NOS1: variants seen among roughly 807,000 people sequenced by gnomAD.
NOS1 encodes nitric oxide synthase 1, also known as NOS type I.
In NOS1, 51 loss-of-function variants were observed where a neutral mutation model predicts 164.5. That is an observed-to-expected ratio of 0.31 (90% CI 0.25 to 0.39). NOS1 has a LOEUF of 0.39. NOS1 is among the 10% of genes least tolerant of loss of function. The pLI is 1.00. For synonymous variants in NOS1, 719 were observed against 745.8 expected, an observed-to-expected ratio of 0.96 and a Z score of 0.59; for missense variants, 1,362 against 1,885.6, an observed-to-expected ratio of 0.72 and a Z score of 5.14.
intron 2 of NOS1, among the ~76,000 whole-genome samples, chr12:117,329,949 G>A (rs1044030988): frequency 5.9e-5 from 9 of 152,076 alleles, no homozygotes; most frequent in African/African-American, 9.7e-5. Context: ...ACGCACACAC[G>A]CCTCCCACTT....
intron 5 of NOS1, among the ~76,000 whole-genome samples, chr12:117,287,320 A>C (rs865857): frequency 0.99 from 151,266 of 152,360 alleles, 75,093 homozygotes; most frequent in East Asian, 1. Context: ...ACATGAACTT[A>C]AATTCCATTA....
rs1186807095 is a variant in NOS1 at position 117,211,572 on chromosome 12, C to T, written c.*3737G>A. ...CTCACCTCTCCCCACGGTCTGGTCC[C>T]AGCCCACCTTTTCTCACCCTCCTCA... On this transcript the variant is annotated 3_prime_UTR_variant, in exon 29 of 29. Coordinates refer to ENST00000317775, the MANE Select transcript of NOS1 (RefSeq NM_000620.5). 6.1e-6 allele frequency: 6 copies of T among 985,488 alleles called. No individual in the cohort carries two copies. Among genetic ancestry groups the T allele is most frequent in the Non-Finnish European group, 7.2e-6 (6 of 830,054 alleles). 61.0% of individuals were successfully genotyped at this position (985,488 alleles called of 1,614,324 possible). A position where few individuals can be genotyped will look rare whatever the true frequency, so the allele number is the denominator to read the frequency against.
chr12:117,224,978 G>A (rs569489477), intron 25 of NOS1, 38 bp downstream of exon 25: 25 of 1,612,956 alleles, frequency 1.5e-5, no homozygotes, highest in African/African-American at 8.0e-5. Context: ...CCCCAGGTCC[G>A]GGGGTGGGAA....
intron 2 of NOS1, among the ~76,000 whole-genome samples, chr12:117,326,245 G>A (rs368013918): frequency 1.3e-5 from 2 of 152,088 alleles, no homozygotes; most frequent in African/African-American, 2.4e-5. Flanking sequence ...AATTAGCCAG[G>A]CGTGGTGGCA....
chr12:117,275,618 A>G (rs1873120606), intron 9 of NOS1, among the ~76,000 whole-genome samples: 1 of 152,200 alleles, frequency 6.6e-6, no homozygotes. Flanking sequence ...ACATTAATAT[A>G]CATTTTCAAA....
In NOS1 at chr12:117,272,070, T is replaced by A. The variant is rs189242100; in HGVS notation, c.1839+315A>T. Among the ~76,000 whole-genome samples the A allele has an allele frequency of 7.2e-5, 11 of 152,280 alleles. No individual in the cohort carries two copies. Among genetic ancestry groups the A allele is most frequent in the Admixed American group, 7.2e-4 (11 of 15,294 alleles). On this transcript the variant is annotated intron_variant, in intron 10 of 28. Transcript: ENST00000317775. The surrounding 1 kb of genome is among the most constrained non-coding windows in gnomAD (Gnocchi z 4.3). ...CCTGCTGCCGGCTAGCTGTGTGACC[T>A]TGAGCTTGTCATCTGTCGAAGGGGG...
intron 1 of NOS1, among the ~76,000 whole-genome samples, chr12:117,338,004 C>T (rs1179169023): frequency 3.3e-5 from 5 of 152,132 alleles, no homozygotes; most frequent in Non-Finnish European, 5.9e-5. Context: ...CACTTGAGGT[C>T]AGGAGTTCAA....
intron 2 of NOS1, among the ~76,000 whole-genome samples, chr12:117,326,602 C>G (rs761629520): frequency 1.3e-5 from 2 of 152,104 alleles, no homozygotes; most frequent in Non-Finnish European, 2.9e-5. Context: ...TGGCCGCTTT[C>G]GGGCAAACCA....
intron 1 of NOS1, among the ~76,000 whole-genome samples, chr12:117,346,131 A>T (rs971671509): frequency 3.3e-5 from 5 of 152,308 alleles, no homozygotes; most frequent in African/African-American, 9.6e-5. Flanking sequence ...GGCATGGCCC[A>T]TTACAAATGA....
intron 2 of NOS1, among the ~76,000 whole-genome samples, chr12:117,319,079 A>T (rs1874794120): frequency 6.6e-6 from 1 of 152,162 alleles, no homozygotes; most frequent in South Asian, 2.1e-4. Context: ...TATTATTATT[A>T]TTTTTAGAGA....
chr12:117,226,818 C>T (rs771712994), intron 23 of NOS1, 48 bp from the exon 24 acceptor site: 55 of 1,456,078 alleles, frequency 3.8e-5, no homozygotes, highest in African/African-American at 2.1e-4. Context: ...CTCCCGAGCA[C>T]GGCCTCCCCT....
chr12:117,237,089 C>G (rs921994230), intron 20 of NOS1, among the ~76,000 whole-genome samples: 6 of 152,218 alleles, frequency 3.9e-5, no homozygotes, highest in Non-Finnish European at 8.8e-5. Context: ...AGCACTGGCT[C>G]AGAAACCAAT....
chr12:117,249,109 T>G (rs1303622700), intron 17 of NOS1, among the ~76,000 whole-genome samples: 1 of 152,230 alleles, frequency 6.6e-6, no homozygotes, highest in Non-Finnish European at 1.5e-5. Flanking sequence ...CTTTGTCAGA[T>G]AAGTTGTCTG....
At chr12:117,291,509 C>T (rs1873055574) in intron 3 of NOS1, among the ~76,000 whole-genome samples, 1 of 143,396 alleles carries the variant, frequency 7.0e-6, no homozygotes, top group Non-Finnish European at 1.5e-5. Context: ...GTAGACCTCA[C>T]TGATAAGGAT....
At position 117,330,954 on chromosome 12, in the gene NOS1, G is replaced by A. The variant is rs1296555410; in HGVS notation, c.116C>T (p.Pro39Leu). Reference protein sequence around the residue: ...GFLVKERVSKPPVIISDLIRG... With the variant: ...GFLVKERVSKLPVIISDLIRG... ...AATCAGGTCAGAGATGATCACGGGC[G>A]GCTTACTGACCCGCTCCTTCACCAG... The change falls in exon 2 of 29, where the codon CCG becomes CTG. Residue 39 changes from proline (P) to leucine (L), a missense_variant. Physicochemically the swap from Pro to Leu is moderately conservative, Grantham distance 98 (BLOSUM62 -3). Coordinates refer to ENST00000317775, the MANE Select transcript of NOS1 (RefSeq NM_000620.5). This position sits in a 1 kb window ranked among gnomAD's most constrained non-coding sequence, Gnocchi z 4.6. 2.5e-6 allele frequency: 4 copies of A among 1,614,178 alleles called. No homozygotes were observed. The highest frequency in any genetic ancestry group is 1.3e-5 in the African/African-American group (1 of 75,048).
chr12:117,261,782 G>A (rs1871927280), intron 13 of NOS1, among the ~76,000 whole-genome samples: 1 of 152,170 alleles, frequency 6.6e-6, no homozygotes, highest in Non-Finnish European at 1.5e-5. Context: ...GTGAGACTTT[G>A]TCTCTACAAA....
chr12:117,280,639 A>G, intron 8 of NOS1, 86 bp downstream of exon 8: 2 of 1,383,744 alleles, frequency 1.4e-6, no homozygotes. Flanking sequence ...ATCTCCTGTG[A>G]TGATAGCATT....
intron 3 of NOS1, among the ~76,000 whole-genome samples, chr12:117,310,823 A>ATT (rs9658305): frequency 1.3e-5 from 2 of 150,946 alleles, no homozygotes; most frequent in East Asian, 3.9e-4. Context: ...TTAAAAAAAA[A>ATT]TTTTTTTTTT....
At chr12:117,222,187 T>C (rs1420761474) in intron 26 of NOS1, among the ~76,000 whole-genome samples, 1 of 152,168 alleles carries the variant, frequency 6.6e-6, no homozygotes, top group African/African-American at 2.4e-5. Flanking sequence ...TCTGTCTCTA[T>C]GGATTTGCCT....
Sources: gnomAD v4.1 joint callset for allele counts (sites outside exome capture counted in the v4.1 genomes callset) on GRCh38, gnomAD v4.1.1 for gene constraint, Gnocchi (gnomAD v3.1) non-coding constraint, MANE v1.5 for transcripts, NCBI Gene and HGNC (gene_info 2026-07-23, HGNC 2026-07-21) for gene names.